PWWP2A: variants seen among roughly 807,000 people sequenced by gnomAD.
PWWP2A encodes the protein PWWP domain containing 2A.
A neutral mutation model predicts 48.5 loss-of-function variants in PWWP2A; 18 were observed. That is an observed-to-expected ratio of 0.37 (90% CI 0.26 to 0.55). PWWP2A has a LOEUF of 0.55. Ranked by LOEUF, PWWP2A falls within the 20% of genes least tolerant of loss-of-function variation. The pLI, the probability that PWWP2A is intolerant of heterozygous loss-of-function variation, is 0.81. For synonymous variants in PWWP2A, 396 were observed against 387.7 expected (o/e 1.02, Z -0.25); for missense variants, 867 against 976.4 (o/e 0.89, Z 1.49).
chr5:160,097,336 CAAAAAA>C (rs70987999), intron 1 of PWWP2A, among the ~76,000 whole-genome samples: 4 of 34,364 alleles, frequency 1.2e-4, no homozygotes, highest in South Asian at 2.0e-3. Flanking sequence ...GCCTTTGTCT[CAAAAAA>C]AAAAAAAAAA....
intron 1 of PWWP2A, among the ~76,000 whole-genome samples, chr5:160,094,829 C>T (rs1755442494): frequency 6.6e-6 from 1 of 151,754 alleles, no homozygotes; most frequent in Admixed American, 6.6e-5. Context: ...GGGCAGATCA[C>T]GAGGTCAGGA....
In PWWP2A at chr5:160,078,133, G is replaced by A; in HGVS notation, c.*22C>T. ...GTGTTCTCTGTGTCATTGTGGTACA[G>A]GTCCATGAAACCAGCAGCCTGCTAA... On this transcript the variant is annotated 3_prime_UTR_variant, in exon 4 of 4. Coordinates refer to the PWWP2A transcript ENST00000456329. This position sits in a 1 kb window ranked among gnomAD's most constrained non-coding sequence, Gnocchi z 4.2. The A allele has an allele frequency of 6.4e-7, 1 of 1,553,188 alleles. No homozygotes were observed. The highest frequency in any genetic ancestry group is 8.7e-7 in the Non-Finnish European group (1 of 1,144,894).
the PWWP2A span, among the ~76,000 whole-genome samples, chr5:160,050,954 C>G: frequency 6.8e-6 from 1 of 146,196 alleles, no homozygotes; most frequent in Non-Finnish European, 1.5e-5. Flanking sequence ...TTATGTAGCG[C>G]ACCACAAACA....
In PWWP2A at chr5:160,118,879, A is replaced by T; in HGVS notation, c.510T>A (p.Ile170=). Residue 170 remains isoleucine, a synonymous_variant, in exon 1 of 2, where the codon ATT becomes ATA. Coordinates refer to ENST00000307063, the MANE Select transcript of PWWP2A (RefSeq NM_001130864.2). ...SEVRVTLDHI[I]EDALVVSFRF... ...GGAACGACACGACAAGCGCGTCCTCAATGATGTGGTCCAGCGTGACCCGCA... is the reference window on the plus strand; with the variant it reads ...GGAACGACACGACAAGCGCGTCCTCTATGATGTGGTCCAGCGTGACCCGCA... 1 of 1,598,386 alleles carries T rather than the reference A, an allele frequency of 6.3e-7. No homozygotes were observed. Among genetic ancestry groups the T allele is most frequent in the Non-Finnish European group, 8.5e-7 (1 of 1,173,804 alleles).
chr5:160,054,334 C>T, the PWWP2A span, among the ~76,000 whole-genome samples: 12 of 152,206 alleles, frequency 7.9e-5, no homozygotes. Flanking sequence ...AAAAAGTTGG[C>T]TGGGTACAGT....
At chr5:160,090,086 G>A (rs1435289282), downstream of PWWP2A, 14 of 984,826 alleles carry the variant, frequency 1.4e-5, no homozygotes, top group Non-Finnish European at 1.7e-5. Flanking sequence ...GGGGTCATTT[G>A]GCATATCATT....
At position 160,104,148 on chromosome 5, in the gene PWWP2A, A is replaced by G. The variant is rs893490894; in HGVS notation, c.585-10083T>C. ...AAAAAAAAAAAAAAAAAAGAAATGA[A>G]AAAAGAAAAAGAGGAGACTGGCTGA... On this transcript the variant is annotated intron_variant, in intron 1 of 1. Coordinates refer to ENST00000307063, the MANE Select transcript of PWWP2A (RefSeq NM_001130864.2). 9.3e-5 allele frequency among the ~76,000 whole-genome samples: 14 copies of G among 150,560 alleles called. 1 individual carries two copies. In the East Asian group the frequency reaches 2.2e-3, roughly 23 times the overall value.
At chr5:160,052,004 C>G in the PWWP2A span, among the ~76,000 whole-genome samples, 1 of 152,148 alleles carries the variant, frequency 6.6e-6, no homozygotes, top group Non-Finnish European at 1.5e-5. Flanking sequence ...AGCATCCAGA[C>G]AATGGGAACA....
downstream of PWWP2A, among the ~76,000 whole-genome samples, chr5:160,072,554 G>A (rs570293634): frequency 1.6e-4 from 25 of 152,176 alleles, no homozygotes; most frequent in African/African-American, 4.8e-4. Context: ...GAGAAACCCC[G>A]TCGCTACAAA....
At chr5:160,073,417 CAG>C (rs1221227982), downstream of PWWP2A, among the ~76,000 whole-genome samples, 1 of 151,772 alleles carries the variant, frequency 6.6e-6, no homozygotes, top group African/African-American at 2.4e-5. Context: ...TTAGTAGAGA[CAG>C]AGTTTCACCG....
downstream of PWWP2A, among the ~76,000 whole-genome samples, chr5:160,057,582 T>A (rs1250535465): frequency 6.6e-6 from 1 of 152,184 alleles, no homozygotes; most frequent in Non-Finnish European, 1.5e-5. This position sits in a 1 kb window ranked among gnomAD's most constrained non-coding sequence, Gnocchi z 4.4. Flanking sequence ...TGTGGCAGTA[T>A]CTTTAAATAA....
chr5:160,115,394 A>C (rs1266960530), intron 1 of PWWP2A, among the ~76,000 whole-genome samples: 2 of 151,924 alleles, frequency 1.3e-5, no homozygotes, highest in African/African-American at 4.8e-5. Context: ...TCATCTCTAC[A>C]AAAGATACAA....
At position 160,092,815 on chromosome 5, in the gene PWWP2A, T is replaced by C; in HGVS notation, c.1835A>G (p.His612Arg). 1 of 1,551,674 alleles carries C rather than the reference T, an allele frequency of 6.4e-7. No homozygotes were observed. Among genetic ancestry groups the C allele is most frequent in the South Asian group, 1.2e-5 (1 of 84,058 alleles). Residue 612 changes from histidine (H) to arginine (R), a missense_variant, in exon 2 of 2, where the codon CAT (histidine) becomes CGT (arginine). Transcript: ENST00000307063. ...GGAAGTGGAGGAGGTGGAAGGTGCA[T>C]GCATACTGCCTGGAGGAAAATCAAA... is the stretch of plus-strand genomic sequence containing the variant. ...ESFDFPPGSMHAPSTSSTSSS... is the reference protein window; with the variant it reads ...ESFDFPPGSMRAPSTSSTSSS...
downstream of PWWP2A, among the ~76,000 whole-genome samples, chr5:160,057,832 A>G (rs1268642982): frequency 6.6e-6 from 1 of 152,090 alleles, no homozygotes; most frequent in Non-Finnish European, 1.5e-5. This position sits in a 1 kb window ranked among gnomAD's most constrained non-coding sequence, Gnocchi z 4.4. Flanking sequence ...GCAGTGGCAC[A>G]ATCTTGGCTC....
chr5:160,073,065 G>A (rs567363157), downstream of PWWP2A, among the ~76,000 whole-genome samples: 8 of 151,194 alleles, frequency 5.3e-5, no homozygotes, highest in South Asian at 1.7e-3. Context: ...TTCGGCCTTG[G>A]CTGAGTAGGA....
At chr5:160,072,054 C>A (rs1262267517), downstream of PWWP2A, among the ~76,000 whole-genome samples, 2 of 152,170 alleles carry the variant, frequency 1.3e-5, no homozygotes, top group Non-Finnish European at 2.9e-5. Flanking sequence ...CAAGCTTAAT[C>A]CTTCCATCAC....
chr5:160,082,393 G>T (rs4582322), intron 2 of PWWP2A, among the ~76,000 whole-genome samples: 88,212 of 150,300 alleles, frequency 0.59, 25,927 homozygotes, highest in East Asian at 0.62. Context: ...GCAGTGAGCC[G>T]AGATCGCGCC....
At position 160,069,666 on chromosome 5, in the gene PWWP2A, C is replaced by A. The variant is rs753306334; in HGVS notation, c.*80-2795G>T. Reference sequence around the variant, plus strand: ...ATCACTTGAGCTCAGAAGTTTGAGACCAGCCTGGGCAACATAGCGAAACCC... The same window carrying A: ...ATCACTTGAGCTCAGAAGTTTGAGAACAGCCTGGGCAACATAGCGAAACCC... On this transcript the variant is annotated intron_variant and NMD_transcript_variant, in intron 2 of 5. Transcript: ENST00000524050. Among the ~76,000 whole-genome samples the A allele has an allele frequency of 4.5e-4, 68 of 151,988 alleles. 1 individual carries two copies. Among genetic ancestry groups the A allele is most frequent in the Admixed American group, 5.9e-4 (9 of 15,266 alleles).
At chr5:160,066,854 C>T (rs754055211) in exon 3 of PWWP2A, 14 of 151,610 alleles carry the variant, frequency 9.2e-5, no homozygotes, top group Non-Finnish European at 8.8e-5. Flanking sequence ...GCCTGAGCAA[C>T]ATAGCAAGGT....
Sources: allele counts gnomAD v4.1 joint callset (sites outside exome capture counted in the v4.1 genomes callset), GRCh38; gene constraint gnomAD v4.1.1; non-coding constraint Gnocchi (gnomAD v3.1); transcripts MANE v1.5; gene names NCBI Gene and HGNC (gene_info 2026-07-23, HGNC 2026-07-21).